CLEC4D: variants seen among roughly 807,000 people sequenced by gnomAD.
CLEC4D encodes C-type (calcium dependent, carbohydrate-recognition domain) lectin, superfamily member 8.
Under a neutral mutation model 21.1 loss-of-function variants are expected in CLEC4D, and 21 were observed. The ratio of observed to expected loss-of-function variants is 1.00; its 90% CI spans 0.71 to 1.43. The LOEUF (loss-of-function observed/expected upper bound fraction) is 1.43, where lower values mean the gene tolerates loss of function less well. CLEC4D is among the 40% of genes most tolerant of loss of function. The pLI, the probability that CLEC4D is intolerant of heterozygous loss-of-function variation, is 0.00. For synonymous variants in CLEC4D, 85 were observed against 83.1 expected (o/e 1.02, Z -0.12); for missense variants, 289 against 260.7 (o/e 1.11, Z -0.75).
downstream of CLEC4D, among the ~76,000 whole-genome samples, chr12:8,527,005 T>A (rs1291574289): frequency 6.6e-6 from 1 of 152,072 alleles, no homozygotes; most frequent in African/African-American, 2.4e-5. Flanking sequence ...GTTAATCCAA[T>A]TCACTCCCGT....
Position 8,520,320 on chromosome 12 carries a change from C to A in CLEC4D, c.479C>A (p.Thr160Lys). ...AKGQWRWVDQ[T>K]PFNPRRVFWH... ...GGTCAGTGGCGTTGGGTGGACCAGA[C>A]GCCATTTAACCCACGCAGAGTGTAA... The change falls in exon 5 of 6, where the codon ACG becomes AAG. Residue 160 changes from threonine (T) to lysine (K), a missense_variant. Coordinates refer to ENST00000299665, the MANE Select transcript of CLEC4D (RefSeq NM_080387.5). 6.2e-7 allele frequency: 1 copy of A among 1,613,818 alleles called. No individual in the cohort carries two copies.
chr12:8,521,168 GTGT>G lies in CLEC4D; in HGVS notation c.550_552del (p.Val184del). 6.2e-7 allele frequency: 1 copy of G among 1,613,560 alleles called. No individual in the cohort carries two copies. On this transcript the variant is annotated inframe_deletion, in exon 6 of 6. Transcript: ENST00000299665. Reference sequence around the variant, plus strand: ...CCCGACAACTCTCAGGGAGAAAACTGTGTTGTTCTTGTTTATAACCAAGATAAA... The same window carrying G: ...CCCGACAACTCTCAGGGAGAAAACTGTGTTCTTGTTTATAACCAAGATAAA...
intron 2 of CLEC4D, among the ~76,000 whole-genome samples, chr12:8,517,705 G>C (rs1940399182): frequency 6.6e-6 from 1 of 152,146 alleles, no homozygotes; most frequent in South Asian, 2.1e-4. Flanking sequence ...CCAGCACTTT[G>C]GGAGGCCGAG....
intron 1 of CLEC4D, 70 bp from the exon 2 acceptor site, chr12:8,515,166 C>T (rs1940361885): frequency 2.4e-6 from 2 of 839,284 alleles, no homozygotes; most frequent in Non-Finnish European, 2.1e-6. Context: ...TTAGATTGCT[C>T]CTTGGTAGAA....
the CLEC4D span, among the ~76,000 whole-genome samples, chr12:8,531,413 T>C: frequency 5.3e-5 from 8 of 152,208 alleles, no homozygotes; most frequent in African/African-American, 1.9e-4. Context: ...TAATTGTTGA[T>C]TGTTTATAAT....
intron 2 of CLEC4D, among the ~76,000 whole-genome samples, chr12:8,517,906 A>C (rs1380580157): frequency 6.6e-6 from 1 of 152,180 alleles, no homozygotes; most frequent in Non-Finnish European, 1.5e-5. Flanking sequence ...AAATCGCGCC[A>C]CTGCACTCCA....
At chr12:8,518,805 A>T (rs962613833) in intron 3 of CLEC4D, among the ~76,000 whole-genome samples, 1 of 152,224 alleles carries the variant, frequency 6.6e-6, no homozygotes, top group South Asian at 2.1e-4. Flanking sequence ...TCTCGTAGTC[A>T]TTATGTGGTG....
chr12:8,521,309 G>C lies in CLEC4D; in HGVS notation c.*38G>C. On this transcript the variant is annotated 3_prime_UTR_variant, in exon 6 of 6. Coordinates refer to ENST00000299665, the MANE Select transcript of CLEC4D (RefSeq NM_080387.5). The stretch of plus-strand genomic sequence containing the variant: ...TGGTCCTTGTGATGGAAAGAGAAAA[G>C]AAAAACCAATTAGAATAAGGCAGAA... 3 of 1,584,242 alleles carry C rather than the reference G, an allele frequency of 1.9e-6. No homozygotes were observed. Among genetic ancestry groups the C allele is most frequent in the Non-Finnish European group, 2.6e-6 (3 of 1,169,132 alleles).
chr12:8,527,745 C>T, the CLEC4D span, among the ~76,000 whole-genome samples: 1 of 152,238 alleles, frequency 6.6e-6, no homozygotes, highest in African/African-American at 2.4e-5. Flanking sequence ...CCCAGGAGTT[C>T]AGTAGGCCTT....
chr12:8,517,273 A>G (rs1940392827), intron 2 of CLEC4D, among the ~76,000 whole-genome samples: 1 of 151,996 alleles, frequency 6.6e-6, no homozygotes, highest in South Asian at 2.1e-4. Flanking sequence ...CCACTTTTTT[A>G]CATTTGTTTA....
At chr12:8,517,825 A>G (rs1212798403) in intron 2 of CLEC4D, among the ~76,000 whole-genome samples, 1 of 152,128 alleles carries the variant, frequency 6.6e-6, no homozygotes, top group African/African-American at 2.4e-5. Context: ...GGGCGCCTGT[A>G]GTCCCAGCTA....
the CLEC4D span, among the ~76,000 whole-genome samples, chr12:8,531,429 G>GTTTGT: frequency 1.3e-5 from 2 of 152,206 alleles, no homozygotes; most frequent in African/African-American, 4.8e-5. Flanking sequence ...ATAATTTTTT[G>GTTTGT]TTTGTTTTGT....
chr12:8,524,374 TC>T (rs1401548239), downstream of CLEC4D, among the ~76,000 whole-genome samples: 2 of 149,948 alleles, frequency 1.3e-5, no homozygotes, highest in Admixed American at 6.6e-5. Flanking sequence ...TGCCTCTATT[TC>T]AGAGCTCGTA....
At chr12:8,516,195 T>C in intron 2 of CLEC4D, among the ~76,000 whole-genome samples, 1 of 152,192 alleles carries the variant, frequency 6.6e-6, no homozygotes, top group East Asian at 1.9e-4. Context: ...AATATCCTCA[T>C]GACCTGGAGG....
intron 4 of CLEC4D, among the ~76,000 whole-genome samples, chr12:8,519,786 C>T (rs1940433974): frequency 6.6e-6 from 1 of 152,178 alleles, no homozygotes. Context: ...TACCATGACT[C>T]AGATTCTAAC....
At chr12:8,520,976 A>G (rs1185374341) in intron 5 of CLEC4D, 148 bp from the exon 6 acceptor site, 1 of 992,708 alleles carries the variant, frequency 1.0e-6, no homozygotes, top group Non-Finnish European at 1.3e-6. Context: ...ACATGTGTCT[A>G]GTGAGTATAG....
Position 8,521,468 on chromosome 12 carries a change from T to TAGATTATA in CLEC4D, c.*197_*198insAGATTATA. The TAGATTATA allele has an allele frequency of 1.7e-6, 2 of 1,189,006 alleles. No homozygotes were observed. The allele number at this position is 1,189,006 out of a possible 1,614,324, so 73.7% of individuals were successfully genotyped here. On this transcript the variant is annotated 3_prime_UTR_variant, in exon 6 of 6. Transcript: ENST00000299665. ...TGTGTGTGTGTGTGTGTAGATAATG[T>TAGATTATA]GGTTTTTGTATGGTGTTTGATGGAA...
chr12:8,528,002 G>A, the CLEC4D span, among the ~76,000 whole-genome samples: 3 of 152,104 alleles, frequency 2.0e-5, no homozygotes, highest in African/African-American at 4.8e-5. Flanking sequence ...TCTTCTCTCC[G>A]TGGGTCACAC....
chr12:8,521,996 T>G lies in CLEC4D; in HGVS notation c.*725T>G, dbSNP rs1173388701. The G allele has an allele frequency of 6.6e-6, 1 of 152,170 alleles. No individual in the cohort carries two copies. Among genetic ancestry groups the G allele is most frequent in the Non-Finnish European group, 1.5e-5 (1 of 67,988 alleles). 9.4% of individuals were successfully genotyped at this position (152,170 alleles called of 1,614,324 possible). On this transcript the variant is annotated 3_prime_UTR_variant, in exon 6 of 6. Coordinates refer to ENST00000299665, the MANE Select transcript of CLEC4D (RefSeq NM_080387.5). Reference sequence around the variant, plus strand: ...TCCCCCAGAAGCCAAAGGGCTCACCTTCACATTGTTAGTTCATGACAGACC... The same window carrying G: ...TCCCCCAGAAGCCAAAGGGCTCACCGTCACATTGTTAGTTCATGACAGACC...
Sources: allele counts gnomAD v4.1 joint callset (sites outside exome capture counted in the v4.1 genomes callset), GRCh38; gene constraint gnomAD v4.1.1; transcripts MANE v1.5; gene names NCBI Gene and HGNC (gene_info 2026-07-23, HGNC 2026-07-21).